The following RPS6KC1 variants were observed in gnomAD, a reference collection of about 807,000 sequenced individuals.
RPS6KC1 encodes ribosomal protein S6 kinase C1.
RPS6KC1 carries 54 observed loss-of-function variants against 103.8 expected under a neutral mutation model. That is an observed-to-expected ratio of 0.52 (90% CI 0.42 to 0.65). RPS6KC1 has a LOEUF of 0.65. RPS6KC1 is among the 30% of genes least tolerant of loss of function. The pLI is 0.00. For missense variants in RPS6KC1, 1,151 were observed against 1,253.8 expected (o/e 0.92, Z 1.24); for synonymous variants, 439 against 438.7 (o/e 1.00, Z -0.01).
the RPS6KC1 span, among the ~76,000 whole-genome samples, chr1:213,436,125 A>T: frequency 1.3e-5 from 2 of 152,236 alleles, no homozygotes; most frequent in Non-Finnish European, 2.9e-5. Flanking sequence ...CTCAGGTAGA[A>T]GGGTAAAGCT....
At chr1:213,396,623 G>A in the RPS6KC1 span, among the ~76,000 whole-genome samples, 4 of 152,168 alleles carry the variant, frequency 2.6e-5, no homozygotes, top group African/African-American at 9.7e-5. Context: ...CTGTTACCTC[G>A]AGAGTTCCAG....
At chr1:213,204,730 C>T (rs1021218696) in intron 8 of RPS6KC1, among the ~76,000 whole-genome samples, 1 of 149,612 alleles carries the variant, frequency 6.7e-6, no homozygotes, top group Non-Finnish European at 1.5e-5. Context: ...CTCAAGGAAT[C>T]CTTCTACTTC....
At chr1:213,095,858 G>A (rs946704612) in intron 3 of RPS6KC1, among the ~76,000 whole-genome samples, 3 of 152,132 alleles carry the variant, frequency 2.0e-5, no homozygotes, top group South Asian at 2.1e-4. Flanking sequence ...TAGTCTTTTT[G>A]CTCATGGTGC....
At chr1:213,124,409 T>C (rs1315080412) in intron 5 of RPS6KC1, among the ~76,000 whole-genome samples, 1 of 152,184 alleles carries the variant, frequency 6.6e-6, no homozygotes, top group Non-Finnish European at 1.5e-5. Flanking sequence ...ATGTCCTTCC[T>C]ACCTAGACTG....
chr1:213,508,920 T>C, the RPS6KC1 span, among the ~76,000 whole-genome samples: 1 of 152,184 alleles, frequency 6.6e-6, no homozygotes, highest in Admixed American at 6.5e-5. Flanking sequence ...ACTCGGTGAA[T>C]TCATGGATAG....
At chr1:213,173,985 T>C (rs2091674754) in intron 7 of RPS6KC1, among the ~76,000 whole-genome samples, 1 of 152,232 alleles carries the variant, frequency 6.6e-6, no homozygotes, top group East Asian at 1.9e-4. Flanking sequence ...GATAGGGATG[T>C]TGGAGATACT....
chr1:213,721,211 T>C, the RPS6KC1 span, among the ~76,000 whole-genome samples: 3 of 152,280 alleles, frequency 2.0e-5, no homozygotes, highest in Middle Eastern at 3.4e-3. Flanking sequence ...TAGAGGCAAA[T>C]TGTAAAACTT....
At chr1:213,076,484 TTAAG>T (rs2148514796) in intron 2 of RPS6KC1, among the ~76,000 whole-genome samples, 1 of 152,284 alleles carries the variant, frequency 6.6e-6, no homozygotes, top group East Asian at 1.9e-4. Flanking sequence ...ACTGAGATGA[TTAAG>T]TTTTTCAGAA....
At chr1:213,192,871 T>C (rs765162518) in intron 8 of RPS6KC1, among the ~76,000 whole-genome samples, 4 of 152,170 alleles carry the variant, frequency 2.6e-5, no homozygotes, top group Non-Finnish European at 5.9e-5. Flanking sequence ...CTGTATCCCA[T>C]AGATTTTGGG....
the RPS6KC1 span, among the ~76,000 whole-genome samples, chr1:213,706,285 T>A: frequency 3.9e-5 from 6 of 152,208 alleles, no homozygotes; most frequent in Non-Finnish European, 5.9e-5. Context: ...CTGATTCCCC[T>A]CTGGCTAGGG....
chr1:213,813,790 G>A, the RPS6KC1 span, among the ~76,000 whole-genome samples: 8 of 152,260 alleles, frequency 5.3e-5, no homozygotes, highest in East Asian at 1.4e-3. Context: ...AGCAGAGGGG[G>A]GCTGCCAACA....
the RPS6KC1 span, among the ~76,000 whole-genome samples, chr1:213,612,693 A>G: frequency 2.0e-5 from 3 of 152,220 alleles, no homozygotes; most frequent in Non-Finnish European, 4.4e-5. Context: ...TCTCAGTATA[A>G]ATCCAAAGTT....
intron 8 of RPS6KC1, among the ~76,000 whole-genome samples, chr1:213,189,824 A>G (rs1012663442): frequency 3.9e-5 from 6 of 152,156 alleles, no homozygotes; most frequent in Admixed American, 1.3e-4. Flanking sequence ...AGCCTCTGGT[A>G]ACCATCCTTC....
chr1:213,162,068 C>G (rs895640118), intron 6 of RPS6KC1, among the ~76,000 whole-genome samples: 1 of 152,094 alleles, frequency 6.6e-6, no homozygotes, highest in Admixed American at 6.5e-5. Context: ...TTTATTCCTT[C>G]TCATAAGGAA....
chr1:213,457,549 C>G, the RPS6KC1 span, among the ~76,000 whole-genome samples: 4 of 152,288 alleles, frequency 2.6e-5, no homozygotes, highest in East Asian at 7.7e-4. Flanking sequence ...ACTGGGCAAC[C>G]CACTTCTGCA....
chr1:213,737,006 C>G, the RPS6KC1 span, among the ~76,000 whole-genome samples: 2 of 152,232 alleles, frequency 1.3e-5, no homozygotes, highest in Admixed American at 6.5e-5. Context: ...GGCTTTTCAG[C>G]TCCCTCCCGT....
At chr1:213,737,091 T>C in the RPS6KC1 span, among the ~76,000 whole-genome samples, 1 of 152,212 alleles carries the variant, frequency 6.6e-6, no homozygotes, top group Non-Finnish European at 1.5e-5. Context: ...GTGTGAAGTG[T>C]GGTTTCCATG....
At chr1:213,435,196 A>C in the RPS6KC1 span, among the ~76,000 whole-genome samples, 3 of 152,264 alleles carry the variant, frequency 2.0e-5, no homozygotes, top group African/African-American at 7.2e-5. Flanking sequence ...TCCATCTCAG[A>C]CATTGTAGTT....
intron 3 of RPS6KC1, among the ~76,000 whole-genome samples, chr1:213,091,870 A>G (rs1202956901): frequency 6.6e-6 from 1 of 152,160 alleles, no homozygotes; most frequent in African/African-American, 2.4e-5. Context: ...AATTTAAAAA[A>G]TTATTGTTCT....
Sources: gnomAD v4.1 joint callset for allele counts (sites outside exome capture counted in the v4.1 genomes callset) on GRCh38, gnomAD v4.1.1 for gene constraint, MANE v1.5 for transcripts, NCBI Gene and HGNC (gene_info 2026-07-23, HGNC 2026-07-21) for gene names.